CBFA2T2: variants seen among roughly 807,000 people sequenced by gnomAD.
CBFA2T2 encodes protein CBFA2T2.
A neutral mutation model predicts 62.2 loss-of-function variants in CBFA2T2; 11 were observed. The ratio of observed to expected loss-of-function variants is 0.18; its 90% confidence interval spans 0.11 to 0.29. CBFA2T2 has a LOEUF of 0.29. Ranked by LOEUF, CBFA2T2 falls within the 10% of genes least tolerant of loss-of-function variation. The probability of loss-of-function intolerance (pLI) is 1.00; values close to 1 mark genes in which losing one functional copy is unlikely to be tolerated. For missense variants in CBFA2T2, 592 were observed against 774.1 expected, an observed-to-expected ratio of 0.76 and a Z score of 2.79; for synonymous variants, 295 against 287.5, an observed-to-expected ratio of 1.03 and a Z score of -0.27.
intron 1 of CBFA2T2, among the ~76,000 whole-genome samples, chr20:33,548,245 AT>A (rs960786078): frequency 6.7e-6 from 1 of 150,056 alleles, no homozygotes; most frequent in Non-Finnish European, 1.5e-5. Flanking sequence ...TTTTATTTTT[AT>A]TTTTTTTATT....
chr20:33,634,018 G>A lies in CBFA2T2; in HGVS notation c.1229-2622G>A, dbSNP rs181311998. The stretch of plus-strand genomic sequence containing the variant: ...GAGTCTCGCTCTGTCACCTAGGCTG[G>A]AGTACAGTGGTGCAGTCTCGGCTCA... On this transcript the variant is annotated intron_variant, in intron 8 of 10. Coordinates refer to ENST00000342704, the MANE Select transcript of CBFA2T2 (RefSeq NM_001032999.3). 2.6e-3 allele frequency among the ~76,000 whole-genome samples: 390 copies of A among 152,178 alleles called. 4 individuals are homozygous for A. Among genetic ancestry groups the A allele is most frequent in the South Asian group, 0.016 (76 of 4,800 alleles).
At chr20:33,566,340 T>C (rs1200615020) in intron 1 of CBFA2T2, among the ~76,000 whole-genome samples, 1 of 152,150 alleles carries the variant, frequency 6.6e-6, no homozygotes, top group Non-Finnish European at 1.5e-5. Flanking sequence ...CGCCAGTAGC[T>C]CACACCTGTA....
chr20:33,567,163 A>G (rs866472511), intron 1 of CBFA2T2, among the ~76,000 whole-genome samples: 1 of 152,238 alleles, frequency 6.6e-6, no homozygotes, highest in Admixed American at 6.5e-5. Flanking sequence ...ACACAGATTG[A>G]TACTGGGGAA....
intron 1 of CBFA2T2, among the ~76,000 whole-genome samples, chr20:33,523,615 G>T (rs543918844): frequency 6.6e-6 from 1 of 152,150 alleles, no homozygotes; most frequent in Admixed American, 6.6e-5. Flanking sequence ...ATACTTTGAA[G>T]AAAAATAAGC....
chr20:33,584,585 T>A (rs2014283771), intron 1 of CBFA2T2, among the ~76,000 whole-genome samples: 1 of 152,094 alleles, frequency 6.6e-6, no homozygotes, highest in African/African-American at 2.4e-5. Context: ...AGTTTAAGAT[T>A]TTTCCCTCAG....
intron 1 of CBFA2T2, among the ~76,000 whole-genome samples, chr20:33,523,267 T>C (rs2146863355): frequency 6.6e-6 from 1 of 152,202 alleles, no homozygotes; most frequent in Admixed American, 6.5e-5. Flanking sequence ...TCATAGGCTT[T>C]ATTTTTTATT....
chr20:33,524,050 C>T (rs1242525919), intron 1 of CBFA2T2, among the ~76,000 whole-genome samples: 1 of 151,744 alleles, frequency 6.6e-6, no homozygotes, highest in Non-Finnish European at 1.5e-5. Context: ...GAGCAGACTT[C>T]AGTTTTTTGG....
At chr20:33,546,460 C>G (rs1209478700) in intron 1 of CBFA2T2, among the ~76,000 whole-genome samples, 1 of 145,920 alleles carries the variant, frequency 6.9e-6, no homozygotes, top group African/African-American at 2.5e-5. Flanking sequence ...GACACACTCT[C>G]TCTGTCATCC....
intron 1 of CBFA2T2, among the ~76,000 whole-genome samples, chr20:33,604,782 C>G (rs1172335254): frequency 6.6e-6 from 1 of 152,234 alleles, no homozygotes; most frequent in East Asian, 1.9e-4. Flanking sequence ...GTACACAACA[C>G]ATTACAGTGC....
At chr20:33,530,518 T>C (rs956430357) in intron 1 of CBFA2T2, among the ~76,000 whole-genome samples, 3 of 152,048 alleles carry the variant, frequency 2.0e-5, no homozygotes, top group Non-Finnish European at 4.4e-5. Context: ...CCCGGGTTCA[T>C]GCAATTCTCC....
At chr20:33,581,681 T>A (rs2014121013) in intron 1 of CBFA2T2, among the ~76,000 whole-genome samples, 1 of 152,228 alleles carries the variant, frequency 6.6e-6, no homozygotes, top group African/African-American at 2.4e-5. Context: ...AAATCTGGAT[T>A]TTAACCACAT....
chr20:33,609,443 A>G (rs1261240942), intron 2 of CBFA2T2, among the ~76,000 whole-genome samples: 4 of 152,144 alleles, frequency 2.6e-5, no homozygotes, highest in Non-Finnish European at 4.4e-5. Flanking sequence ...CGGAGGTTGC[A>G]GTAAGCTGAG....
chr20:33,531,503 T>G (rs1471314699), intron 1 of CBFA2T2, among the ~76,000 whole-genome samples: 6 of 152,344 alleles, frequency 3.9e-5, no homozygotes. Flanking sequence ...CAGTTTCACA[T>G]TTGAAACTAC....
intron 1 of CBFA2T2, among the ~76,000 whole-genome samples, chr20:33,525,443 C>T (rs1421194585): frequency 1.3e-5 from 2 of 152,174 alleles, no homozygotes; most frequent in African/African-American, 2.4e-5. Flanking sequence ...GCCTTGGCCT[C>T]TCAAAGTGCT....
At chr20:33,542,464 A>G (rs923543411) in intron 1 of CBFA2T2, among the ~76,000 whole-genome samples, 4 of 151,862 alleles carry the variant, frequency 2.6e-5, no homozygotes, top group Non-Finnish European at 5.9e-5. Flanking sequence ...AATTTTTTTC[A>G]TTAAGCCTCT....
At chr20:33,581,371 C>G (rs1048425786) in intron 1 of CBFA2T2, among the ~76,000 whole-genome samples, 7 of 152,096 alleles carry the variant, frequency 4.6e-5, no homozygotes. Context: ...CTGTCATTTT[C>G]TTTGTTAACC....
At chr20:33,573,794 A>T in intron 1 of CBFA2T2, among the ~76,000 whole-genome samples, 1 of 150,034 alleles carries the variant, frequency 6.7e-6, no homozygotes, top group East Asian at 2.0e-4. Context: ...TATTATTATT[A>T]TTTTGACACA....
At chr20:33,558,796 A>G (rs993838181) in intron 1 of CBFA2T2, among the ~76,000 whole-genome samples, 56 of 151,520 alleles carry the variant, frequency 3.7e-4, no homozygotes, top group Admixed American at 3.2e-3. Context: ...GATTATTTCA[A>G]TAGAGATCAA....
At chr20:33,521,641 G>GA (rs1335726852) in intron 1 of CBFA2T2, among the ~76,000 whole-genome samples, 2 of 152,094 alleles carry the variant, frequency 1.3e-5, no homozygotes, top group Non-Finnish European at 2.9e-5. Context: ...GGAGCAGGTG[G>GA]ACAGATTCTG....
Sources: gnomAD v4.1 joint callset for allele counts (sites outside exome capture counted in the v4.1 genomes callset) on GRCh38, gnomAD v4.1.1 for gene constraint, MANE v1.5 for transcripts, NCBI Gene and HGNC (gene_info 2026-07-23, HGNC 2026-07-21) for gene names.